GGA2: variants seen among roughly 807,000 people sequenced by gnomAD.
The protein encoded by GGA2 is golgi associated, gamma adaptin ear containing, ARF binding protein 2, also known as ADP-ribosylation factor-binding protein GGA2.
In GGA2, 48 loss-of-function variants were observed where a neutral mutation model predicts 79.5. The observed-to-expected ratio is 0.60, with a 90% CI of 0.48 to 0.77. GGA2 has a LOEUF of 0.77. GGA2 is among the 30% of genes least tolerant of loss of function. GGA2 has a pLI of 0.00. For synonymous variants in GGA2, 317 were observed against 302.0 expected (o/e 1.05, Z -0.51); for missense variants, 770 against 774.0 (o/e 0.99, Z 0.06).
intron 1 of GGA2, among the ~76,000 whole-genome samples, chr16:23,498,106 C>A (rs947869823): frequency 5.3e-5 from 8 of 152,090 alleles, no homozygotes; most frequent in Admixed American, 2.0e-4. Context: ...ACGGTGAAAT[C>A]CCGTCTCTAC....
chr16:23,493,250 G>A (rs1964811632), intron 4 of GGA2, 110 bp downstream of exon 4: 1 of 713,520 alleles, frequency 1.4e-6, no homozygotes, highest in Non-Finnish European at 2.6e-6. Context: ...TCACAGGCAG[G>A]AGCAGGTTTT....
In GGA2 at chr16:23,494,147, T is replaced by C. The variant is rs144737324; in HGVS notation, c.252+156A>G. On this transcript the variant is annotated intron_variant, in intron 3 of 16. Coordinates refer to ENST00000309859, the MANE Select transcript of GGA2 (RefSeq NM_015044.4). ...ACAGGAGGAAGAAGGGTGGGGACCC[T>C]GGCCCAGATCTCCCTCCTCCAACCT... 1.5e-4 allele frequency: 96 copies of C among 632,548 alleles called. No individual in the cohort carries two copies. The East Asian group carries it at 2.5e-3, about 16-fold the overall frequency. 39.2% of individuals were successfully genotyped at this position (632,548 alleles called of 1,614,324 possible).
At chr16:23,477,351 A>G (rs543175683) in intron 13 of GGA2, among the ~76,000 whole-genome samples, 1 of 152,290 alleles carries the variant, frequency 6.6e-6, no homozygotes, top group African/African-American at 2.4e-5. Context: ...CAGTTTCCCC[A>G]TACTGTTCTC....
At chr16:23,492,435 C>T (rs1351076789) in intron 4 of GGA2, among the ~76,000 whole-genome samples, 2 of 152,056 alleles carry the variant, frequency 1.3e-5, no homozygotes, top group Non-Finnish European at 2.9e-5. Context: ...GTAATAAAAC[C>T]TAGTGCTAGT....
intron 15 of GGA2, 52 bp downstream of exon 15, chr16:23,469,944 T>C (rs969134025): frequency 4.5e-5 from 60 of 1,338,504 alleles, no homozygotes; most frequent in Admixed American, 2.1e-4. Flanking sequence ...GAAAAGAACC[T>C]GGCACTCAAA....
At chr16:23,493,319 T>C (rs1033908969) in intron 4 of GGA2, 41 bp downstream of exon 4, 1 of 1,161,606 alleles carries the variant, frequency 8.6e-7, no homozygotes, top group Admixed American at 1.7e-5. Context: ...ACAGTGGGCG[T>C]AGGTGCGACA....
intron 5 of GGA2, among the ~76,000 whole-genome samples, chr16:23,489,244 G>A (rs533335987): frequency 1.3e-5 from 2 of 152,248 alleles, no homozygotes; most frequent in East Asian, 1.9e-4. Context: ...CAATATTTTT[G>A]TTGTTTTTGA....
At chr16:23,478,810 G>T in intron 12 of GGA2, 73 bp downstream of exon 12, 1 of 1,054,970 alleles carries the variant, frequency 9.5e-7, no homozygotes, top group Non-Finnish European at 1.5e-6. Context: ...TGCTCGCCAG[G>T]CAGTGCTGCC....
chr16:23,495,853 C>G, intron 1 of GGA2, 75 bp from the exon 2 acceptor site: 1 of 868,006 alleles, frequency 1.2e-6, no homozygotes, highest in Non-Finnish European at 1.8e-6. Context: ...ACATGGTGGC[C>G]AAGAGCTGTC....
At position 23,510,268 on chromosome 16, in the gene GGA2, G is replaced by C. The variant is rs992241206; in HGVS notation, c.91+53C>G. On this transcript the variant is annotated intron_variant, in intron 1 of 16. Transcript: ENST00000309859. The stretch of plus-strand genomic sequence containing the variant: ...AGCAAGGCCCCGGGAGGCGGGAAGC[G>C]AGGCCTCACGTGCGGCGCAGCGGCT... The C allele has an allele frequency of 3.4e-6, 4 of 1,185,814 alleles. No individual in the cohort carries two copies. In the South Asian group the frequency reaches 6.8e-5, roughly 20 times the overall value. 73.5% of individuals were successfully genotyped at this position (1,185,814 alleles called of 1,614,324 possible). A position where few individuals can be genotyped will look rare whatever the true frequency, so the allele number is the denominator to read the frequency against.
At position 23,467,600 on chromosome 16, in the gene GGA2, C is replaced by T. The variant is rs760106544; in HGVS notation, c.1832G>A (p.Gly611Asp). The T allele has an allele frequency of 1.9e-6, 3 of 1,559,312 alleles. No individual in the cohort carries two copies. In the African/African-American group the frequency reaches 4.1e-5, roughly 21 times the overall value. ...VKDFPDLAVL[G>D]AA is the part of the protein sequence containing the mutation. ...CCATCTTGTGAAAAGTTAGGCTGCG[C>T]CCAAGACAGCCAGGTCTGGGAAGTC... The change falls in exon 17 of 17, where the codon GGC becomes GAC. Residue 611 changes from glycine (G) to aspartate (D), a missense_variant. Gly to Asp is a moderately conservative substitution (Grantham distance 94). Transcript: ENST00000309859.
At chr16:23,471,602 C>T (rs188680236) in intron 14 of GGA2, among the ~76,000 whole-genome samples, 20 of 152,064 alleles carry the variant, frequency 1.3e-4, no homozygotes, top group Admixed American at 9.8e-4. Flanking sequence ...ATATACATTA[C>T]TAAAATATAG....
At chr16:23,486,986 T>TTTTG in intron 6 of GGA2, among the ~76,000 whole-genome samples, 196 bp from the exon 7 acceptor site, 1 of 146,152 alleles carries the variant, frequency 6.8e-6, no homozygotes, top group Non-Finnish European at 1.5e-5. Context: ...TTTCTGTTGT[T>TTTTG]TTTTTTTTTT....
rs765809092 is a variant in GGA2 at position 23,474,978 on chromosome 16, G to A, written c.1376C>T (p.Pro459Leu). ...CTGTGAAGATGGGGAAGGAGCCAAC[G>A]GGCCAGCCTCCCAGGACCAACCTGG... ...SSPGWSWEAG[P>L]LAPSPSSQNT... The change falls in exon 14 of 17, where the codon CCG becomes CTG. Residue 459 changes from proline (P) to leucine (L), a missense_variant. Transcript: ENST00000309859. 14 of 1,611,548 alleles carry A rather than the reference G, an allele frequency of 8.7e-6. No individual in the cohort carries two copies. The Middle Eastern group carries it at 4.9e-4, about 57-fold the overall frequency.
upstream of GGA2, among the ~76,000 whole-genome samples, chr16:23,512,856 C>G (rs185836432): frequency 2.0e-5 from 3 of 152,004 alleles, no homozygotes; most frequent in South Asian, 2.1e-4. Flanking sequence ...AGGCGCCCAC[C>G]ACCACACCCG....
At chr16:23,522,855 G>A (rs1478817808), upstream of GGA2, 1 of 152,216 alleles carries the variant, frequency 6.6e-6, no homozygotes, top group Non-Finnish European at 1.5e-5. Flanking sequence ...TTGCGGTCAT[G>A]TGAATGCTTG....
upstream of GGA2, among the ~76,000 whole-genome samples, chr16:23,510,782 C>CT (rs1488093703): frequency 2.6e-5 from 4 of 152,260 alleles, no homozygotes; most frequent in African/African-American, 9.6e-5. Flanking sequence ...TCACGGCTCA[C>CT]TGCAGCCTCC....
At chr16:23,508,193 A>C (rs1228675643) in intron 1 of GGA2, among the ~76,000 whole-genome samples, 1 of 151,992 alleles carries the variant, frequency 6.6e-6, no homozygotes, top group Non-Finnish European at 1.5e-5. Context: ...CGGCCTCCCA[A>C]GTAGCTGGAA....
intron 1 of GGA2, among the ~76,000 whole-genome samples, chr16:23,498,151 G>T (rs982975451): frequency 2.6e-5 from 4 of 152,126 alleles, no homozygotes; most frequent in Middle Eastern, 3.4e-3. Flanking sequence ...GTGGCAGCGT[G>T]CATCTATAAT....
Sources: allele counts gnomAD v4.1 joint callset (sites outside exome capture counted in the v4.1 genomes callset), GRCh38; gene constraint gnomAD v4.1.1; transcripts MANE v1.5; gene names NCBI Gene and HGNC (gene_info 2026-07-23, HGNC 2026-07-21).